DNAH17: variants seen among roughly 807,000 people sequenced by gnomAD.
DNAH17 encodes dynein axonemal heavy chain 17, also known as axonemal beta dynein heavy chain 17.
Under a neutral mutation model 485.6 loss-of-function variants are expected in DNAH17, and 376 were observed. The ratio of observed to expected loss-of-function variants is 0.77; its 90% CI spans 0.71 to 0.84. The LOEUF (loss-of-function observed/expected upper bound fraction) is 0.84, where lower values mean the gene tolerates loss of function less well. DNAH17 is among the 40% of genes least tolerant of loss of function. DNAH17 has a pLI of 0.00. For synonymous variants in DNAH17, 3,031 were observed against 2,405.9 expected (o/e 1.26, Z -7.60); for missense variants, 6,370 against 5,839.3 (o/e 1.09, Z -2.96).
chr17:78,506,590 G>A (rs1368759509), intron 30 of DNAH17, 130 bp downstream of exon 30: 2 of 1,361,758 alleles, frequency 1.5e-6, no homozygotes, highest in Non-Finnish European at 2.0e-6. Flanking sequence ...CTGGTGCAGA[G>A]GGCCTCCTGG....
intron 59 of DNAH17, 71 bp from the exon 60 acceptor site, chr17:78,460,072 G>A (rs986771783): frequency 3.5e-5 from 56 of 1,590,940 alleles, no homozygotes; most frequent in African/African-American, 2.0e-4. Flanking sequence ...CGAAGAAGCC[G>A]CCATGAGTGT....
chr17:78,430,615 C>T (rs889961239), intron 75 of DNAH17, among the ~76,000 whole-genome samples: 2 of 152,194 alleles, frequency 1.3e-5, no homozygotes, highest in African/African-American at 4.8e-5. Context: ...GAGTCTCGCT[C>T]TGTTGCCCAG....
In DNAH17 at chr17:78,462,921, T is replaced by G; in HGVS notation, c.9097A>C (p.Lys3033Gln). The change falls in exon 57 of 81, where the codon AAG becomes CAG. Residue 3033 changes from lysine (K) to glutamine (Q), a missense_variant. By Grantham distance (53) the Lys-to-Gln change is moderately conservative. Transcript: ENST00000389840. ...TTGGCAACAAGTTCCGTTCTCTTCT[T>G]GGCCAGCAGGTTCTGGTACAGTTTG... ...QIKLYQNLLAKKRTELVAKIE... is the reference protein window; with the variant it reads ...QIKLYQNLLAQKRTELVAKIE... 3 of 1,614,032 alleles carry G rather than the reference T, an allele frequency of 1.9e-6. No individual in the cohort carries two copies. Among genetic ancestry groups the G allele is most frequent in the Non-Finnish European group, 2.5e-6 (3 of 1,179,896 alleles).
intron 14 of DNAH17, among the ~76,000 whole-genome samples, chr17:78,554,472 G>GAAAAAA (rs2091977702): frequency 2.1e-5 from 1 of 47,140 alleles, no homozygotes; most frequent in Non-Finnish European, 4.4e-5. Flanking sequence ...AAAAAAAAAA[G>GAAAAAA]GATAGGTTCT....
chr17:78,428,311 G>A (rs762591181), intron 77 of DNAH17: 91 of 625,066 alleles, frequency 1.5e-4, no homozygotes, highest in Non-Finnish European at 2.3e-4. Flanking sequence ...GTCTGGGCCC[G>A]TACGCTCACC....
chr17:78,426,726 T>G (rs779384666), intron 78 of DNAH17, 126 bp from the exon 79 acceptor site: 1 of 1,386,820 alleles, frequency 7.2e-7, no homozygotes, highest in Admixed American at 2.2e-5. Context: ...ACGCCCTGCA[T>G]CAGGGCCACG....
At chr17:78,547,838 G>C (rs1440582571) in intron 16 of DNAH17, among the ~76,000 whole-genome samples, 1 of 150,906 alleles carries the variant, frequency 6.6e-6, no homozygotes, top group Non-Finnish European at 1.5e-5. Context: ...GGCTGGTCTT[G>C]AACTCCTGAC....
intron 41 of DNAH17, among the ~76,000 whole-genome samples, chr17:78,493,607 C>G (rs182491943): frequency 9.2e-5 from 14 of 152,368 alleles, no homozygotes; most frequent in African/African-American, 3.4e-4. Flanking sequence ...AGGGTCCAGC[C>G]TGTGGGCCTC....
chr17:78,480,550 G>T, intron 49 of DNAH17, 134 bp downstream of exon 49: 1 of 667,430 alleles, frequency 1.5e-6, no homozygotes, highest in African/African-American at 1.9e-5. Context: ...GACACATTCT[G>T]CAAAGTTAAG....
At chr17:78,477,996 CCACCATCATCACCATCAT>C (rs879547273) in intron 51 of DNAH17, among the ~76,000 whole-genome samples, 2 of 131,994 alleles carry the variant, frequency 1.5e-5, no homozygotes, top group African/African-American at 7.2e-5. Context: ...ACCATCACCA[CCACCATCATCACCATCAT>C]CACCATCACC....
At chr17:78,484,326 G>A (rs2089489029) in intron 48 of DNAH17, among the ~76,000 whole-genome samples, 1 of 151,630 alleles carries the variant, frequency 6.6e-6, no homozygotes, top group Non-Finnish European at 1.5e-5. Flanking sequence ...CGTGTGGCAG[G>A]GCATTTACAC....
At chr17:78,562,354 C>T (rs764191138) in intron 11 of DNAH17, among the ~76,000 whole-genome samples, 4 of 152,082 alleles carry the variant, frequency 2.6e-5, no homozygotes, top group East Asian at 1.9e-4. Flanking sequence ...GGGGCCGAGG[C>T]GGGAGGGTCA....
At chr17:78,467,390 C>T (rs2088521972) in intron 55 of DNAH17, among the ~76,000 whole-genome samples, 1 of 152,216 alleles carries the variant, frequency 6.6e-6, no homozygotes, top group Non-Finnish European at 1.5e-5. Context: ...GGGTGGCTCA[C>T]TGCTTAGCTG....
At chr17:78,527,797 G>A (rs2091118127) in intron 22 of DNAH17, among the ~76,000 whole-genome samples, 2 of 152,050 alleles carry the variant, frequency 1.3e-5, no homozygotes, top group Admixed American at 1.3e-4. Flanking sequence ...ATTCATTTTT[G>A]AGACAGAGTC....
chr17:78,490,592 C>T lies in DNAH17; in HGVS notation c.6818+107G>A, dbSNP rs985588959. 7.6e-6 allele frequency: 11 copies of T among 1,452,796 alleles called. No individual in the cohort carries two copies. In the Admixed American group the frequency reaches 2.2e-4, roughly 29 times the overall value. The allele number at this position is 1,452,796 out of a possible 1,614,324, so 90.0% of individuals were successfully genotyped here. On this transcript the variant is annotated intron_variant, in intron 44 of 80. Coordinates refer to ENST00000389840, the MANE Select transcript of DNAH17 (RefSeq NM_173628.4). ...ACTGGTGCCTGGTGAGGGCCTGATA[C>T]ACAGTTTGTGACATGAATGATGAAT...
Position 78,501,242 on chromosome 17 carries a change from A to G in DNAH17, c.5425T>C (p.Tyr1809His). ...FANICDAQIQ[Y>H]SYEYLGNTPR... Reference sequence around the variant, plus strand: ...GTGTTGCCCAGATACTCATAGGAATACTGGATTTGGGCATCGCAGATGTTG... The same window carrying G: ...GTGTTGCCCAGATACTCATAGGAATGCTGGATTTGGGCATCGCAGATGTTG... Residue 1809 changes from tyrosine (Y) to histidine (H), a missense_variant, in exon 35 of 81, where the codon TAT becomes CAT. Coordinates refer to ENST00000389840, the MANE Select transcript of DNAH17 (RefSeq NM_173628.4). 1 of 1,607,832 alleles carries G rather than the reference A, an allele frequency of 6.2e-7. No homozygotes were observed. Among genetic ancestry groups the G allele is most frequent in the Non-Finnish European group, 8.5e-7 (1 of 1,175,076 alleles).
In DNAH17 at chr17:78,514,886, A is replaced by G. The variant is rs368132900; in HGVS notation, c.4001T>C (p.Val1334Ala). 31 of 1,613,906 alleles carry G rather than the reference A, an allele frequency of 1.9e-5. No homozygotes were observed. Among genetic ancestry groups the G allele is most frequent in the Middle Eastern group, 3.3e-4 (2 of 6,084 alleles). ...DKEMKTWDAFVGLDNTVKNVI... is the reference protein window; with the variant it reads ...DKEMKTWDAFAGLDNTVKNVI... Reference sequence around the variant, plus strand: ...GTTTTTCACGGTGTTGTCGAGCCCCACGAAGGCATCCCAGGTTTTCATCTC... The same window carrying G: ...GTTTTTCACGGTGTTGTCGAGCCCCGCGAAGGCATCCCAGGTTTTCATCTC... The change falls in exon 26 of 81, where the codon GTG becomes GCG. Residue 1334 changes from valine (V) to alanine (A), a missense_variant. Coordinates refer to ENST00000389840, the MANE Select transcript of DNAH17 (RefSeq NM_173628.4).
chr17:78,498,156 T>A (rs1404868143), intron 37 of DNAH17, among the ~76,000 whole-genome samples: 1 of 41,988 alleles, frequency 2.4e-5, no homozygotes, highest in Non-Finnish European at 4.2e-5. Flanking sequence ...AAACAAAACA[T>A]AAATAAATAA....
chr17:78,561,503 T>G (rs1598732052), intron 12 of DNAH17, among the ~76,000 whole-genome samples: 1 of 151,646 alleles, frequency 6.6e-6, no homozygotes, highest in Non-Finnish European at 1.5e-5. Context: ...TGGGCAAGGG[T>G]GGGGACCAGC....
Sources: gnomAD v4.1 joint callset for allele counts (sites outside exome capture counted in the v4.1 genomes callset) on GRCh38, gnomAD v4.1.1 for gene constraint, MANE v1.5 for transcripts, NCBI Gene and HGNC (gene_info 2026-07-23, HGNC 2026-07-21) for gene names.